The following PANX1 variants were observed in gnomAD, a reference collection of about 807,000 sequenced individuals.
The protein encoded by PANX1 is pannexin 1, also known as pannexin-1.
PANX1 carries 30 observed loss-of-function variants against 38.7 expected under a neutral mutation model. The ratio of observed to expected loss-of-function variants is 0.78; its 90% CI spans 0.58 to 1.05. The LOEUF (loss-of-function observed/expected upper bound fraction) is 1.05, where lower values mean the gene tolerates loss of function less well. Ranked by LOEUF, PANX1 falls within the 50% of genes least tolerant of loss-of-function variation. The pLI is 0.00. For synonymous variants in PANX1, 230 were observed against 212.2 expected, an observed-to-expected ratio of 1.08 and a Z score of -0.73; for missense variants, 551 against 517.2, an observed-to-expected ratio of 1.07 and a Z score of -0.63.
intron 2 of PANX1, among the ~76,000 whole-genome samples, chr11:94,167,632 A>G (rs1273659484): frequency 2.0e-5 from 3 of 152,226 alleles, no homozygotes; most frequent in Non-Finnish European, 4.4e-5. Flanking sequence ...CATATATTCA[A>G]AGAATTATGA....
In PANX1 at chr11:94,129,047, G is replaced by A. The variant is rs998036193; in HGVS notation, c.-266G>A. ...CCGCGCGCGGCCCGGGGACTTGCACGGGCGTGCGGGGTGGAACCGCAGGAA... is the reference window on the plus strand; with the variant it reads ...CCGCGCGCGGCCCGGGGACTTGCACAGGCGTGCGGGGTGGAACCGCAGGAA... On this transcript the variant is annotated 5_prime_UTR_variant, in exon 1 of 5. Transcript: ENST00000227638. 6.5e-6 allele frequency: 2 copies of A among 308,998 alleles called. No individual in the cohort carries two copies. Among genetic ancestry groups the A allele is most frequent in the Non-Finnish European group, 1.2e-5 (2 of 169,114 alleles). 19.1% of individuals were successfully genotyped at this position (308,998 alleles called of 1,614,324 possible). A position where few individuals can be genotyped will look rare whatever the true frequency, so the allele number is the denominator to read the frequency against.
intron 2 of PANX1, among the ~76,000 whole-genome samples, chr11:94,173,349 T>C (rs1469326886): frequency 6.6e-6 from 1 of 151,674 alleles, no homozygotes; most frequent in Non-Finnish European, 1.5e-5. Flanking sequence ...TGACCACATA[T>C]GTGCTGCCAA....
intron 1 of PANX1, among the ~76,000 whole-genome samples, chr11:94,137,612 G>C (rs1459787910): frequency 6.6e-6 from 1 of 150,718 alleles, no homozygotes. Flanking sequence ...TGGGGAGAAG[G>C]GGGCCTAAAG....
chr11:94,143,584 G>A (rs1455533587), intron 1 of PANX1, among the ~76,000 whole-genome samples: 1 of 152,090 alleles, frequency 6.6e-6, no homozygotes, highest in East Asian at 1.9e-4. Flanking sequence ...ACCTCAGAGA[G>A]GTTAAGTAAG....
intron 1 of PANX1, among the ~76,000 whole-genome samples, chr11:94,146,256 G>C (rs796530775): frequency 2.0e-5 from 3 of 152,196 alleles, no homozygotes; most frequent in South Asian, 4.1e-4. Context: ...AAAGGATTAC[G>C]TGAGTCCATA....
At chr11:94,176,613 G>T (rs1015233665) in intron 2 of PANX1, among the ~76,000 whole-genome samples, 5 of 151,650 alleles carry the variant, frequency 3.3e-5, no homozygotes, top group Non-Finnish European at 5.9e-5. Flanking sequence ...GGGCCATGTT[G>T]TGGGGGCTGC....
intron 3 of PANX1, among the ~76,000 whole-genome samples, chr11:94,179,169 C>T (rs1412560275): frequency 6.6e-6 from 1 of 152,124 alleles, no homozygotes; most frequent in Non-Finnish European, 1.5e-5. Flanking sequence ...ATTTGTTAAC[C>T]TCCTCCTCCA....
Position 94,181,080 on chromosome 11 carries a change from GAT to G in PANX1, c.*213_*214del. 1 of 549,522 alleles carries G rather than the reference GAT, an allele frequency of 1.8e-6. No homozygotes were observed. The highest frequency in any genetic ancestry group is 3.3e-6 in the Non-Finnish European group (1 of 305,648). 34.0% of individuals were successfully genotyped at this position (549,522 alleles called of 1,614,324 possible). On this transcript the variant is annotated 3_prime_UTR_variant, in exon 5 of 5. Transcript: ENST00000227638. ...AACTTCCCATAGGAAGCACCTGAGA[GAT>G]AGTAAACTGCAGCAAGTAACTATGT...
At chr11:94,139,471 C>T (rs944811221) in intron 1 of PANX1, among the ~76,000 whole-genome samples, 2 of 152,206 alleles carry the variant, frequency 1.3e-5, no homozygotes, top group Non-Finnish European at 2.9e-5. Flanking sequence ...TTATGAGGAA[C>T]ACTATTTTGA....
intron 2 of PANX1, among the ~76,000 whole-genome samples, chr11:94,161,326 A>G (rs1000767320): frequency 1.3e-5 from 2 of 152,176 alleles, no homozygotes; most frequent in Admixed American, 6.5e-5. Flanking sequence ...GTGTTTTCCT[A>G]CTTGGTTCCA....
At chr11:94,154,589 G>C (rs1946924615) in intron 2 of PANX1, among the ~76,000 whole-genome samples, 1 of 152,154 alleles carries the variant, frequency 6.6e-6, no homozygotes, top group African/African-American at 2.4e-5. Flanking sequence ...CCTGCTTCCA[G>C]ACACACCATC....
chr11:94,169,401 G>C (rs185947708), intron 2 of PANX1, among the ~76,000 whole-genome samples: 1 of 151,704 alleles, frequency 6.6e-6, no homozygotes, highest in Admixed American at 6.6e-5. Flanking sequence ...GTAAGGTGAG[G>C]ACTGAGACTT....
chr11:94,143,503 G>C lies in PANX1; in HGVS notation c.182-9988G>C, dbSNP rs867133798. On this transcript the variant is annotated intron_variant, in intron 1 of 4. Coordinates refer to ENST00000227638, the MANE Select transcript of PANX1 (RefSeq NM_015368.4). Reference sequence around the variant, plus strand: ...GTTCCCATTTACTGAATTCTTAACTGTGTGCTGGTACTATAGCAGACATTT... The same window carrying C: ...GTTCCCATTTACTGAATTCTTAACTCTGTGCTGGTACTATAGCAGACATTT... Among the ~76,000 whole-genome samples, 41 of 152,300 alleles carry C rather than the reference G, an allele frequency of 2.7e-4. 1 individual carries two copies. Among genetic ancestry groups the C allele is most frequent in the African/African-American group, 9.4e-4 (39 of 41,566 alleles).
At chr11:94,162,871 C>CTCTTTTTTTT (rs763128119) in intron 2 of PANX1, among the ~76,000 whole-genome samples, 2 of 107,464 alleles carry the variant, frequency 1.9e-5, no homozygotes, top group African/African-American at 8.0e-5. Flanking sequence ...ACCAACCTCT[C>CTCTTTTTTTT]TTTTTTTTTT....
chr11:94,174,088 C>G (rs751879031), intron 2 of PANX1, among the ~76,000 whole-genome samples: 1 of 151,488 alleles, frequency 6.6e-6, no homozygotes, highest in Non-Finnish European at 1.5e-5. Context: ...TCCTGTGTGT[C>G]TCTGTGTCTT....
chr11:94,133,233 G>C (rs1946651549), intron 1 of PANX1, among the ~76,000 whole-genome samples: 1 of 152,210 alleles, frequency 6.6e-6, no homozygotes, highest in Non-Finnish European at 1.5e-5. Context: ...GTAGGCACTG[G>C]TGTGGGGCTA....
At chr11:94,153,396 C>T (rs1032842373) in intron 1 of PANX1, 95 bp from the exon 2 acceptor site, 11 of 1,262,018 alleles carry the variant, frequency 8.7e-6, no homozygotes, top group Non-Finnish European at 1.2e-5. Flanking sequence ...TGTCCTGGTG[C>T]TCCCTAACTT....
rs1207488938 is a variant in PANX1 at position 94,181,936 on chromosome 11, TATAGA to T, written c.*1071_*1075del. 3 of 152,352 alleles carry T rather than the reference TATAGA, an allele frequency of 2.0e-5. No homozygotes were observed. The East Asian group carries it at 5.8e-4, about 29-fold the overall frequency. The allele number at this position is 152,352 out of a possible 1,614,324, so 9.4% of individuals were successfully genotyped here. ...GAAAATTCTAGCACTGGTGGAGAATTATAGAATAAAGATTATAAATGGTTGGATAA... is the reference window on the plus strand; with the variant it reads ...GAAAATTCTAGCACTGGTGGAGAATTATAAAGATTATAAATGGTTGGATAA... On this transcript the variant is annotated 3_prime_UTR_variant, in exon 5 of 5. Coordinates refer to ENST00000227638, the MANE Select transcript of PANX1 (RefSeq NM_015368.4).
Position 94,159,642 on chromosome 11 carries a change from G to A in PANX1, c.321+6012G>A, listed in dbSNP as rs1039834415. Among the ~76,000 whole-genome samples, 9 of 151,740 alleles carry A rather than the reference G, an allele frequency of 5.9e-5. No homozygotes were observed. In the East Asian group the frequency reaches 7.7e-4, roughly 13 times the overall value. On this transcript the variant is annotated intron_variant, in intron 2 of 4. Transcript: ENST00000227638. ...TCTTTTCTTTATTAGTCTTGCTAGC[G>A]GTCTATCAATTTTGTTGATCTTTTC...
Sources: allele counts gnomAD v4.1 joint callset (sites outside exome capture counted in the v4.1 genomes callset), GRCh38; gene constraint gnomAD v4.1.1; transcripts MANE v1.5; gene names NCBI Gene and HGNC (gene_info 2026-07-23, HGNC 2026-07-21).